LY75: variants seen among roughly 807,000 people sequenced by gnomAD.
The protein encoded by LY75 is lymphocyte antigen 75, also known as C-type lectin domain family 13 member B.
A neutral mutation model predicts 231.7 loss-of-function variants in LY75; 185 were observed. That is an observed-to-expected ratio of 0.80 (90% CI 0.71 to 0.90). The LOEUF is 0.90. LY75 is among the 40% of genes least tolerant of loss of function. LY75 has a pLI of 0.00. For missense variants in LY75, 1,947 were observed against 2,050.2 expected, an observed-to-expected ratio of 0.95 and a Z score of 0.97; for synonymous variants, 668 against 689.0, an observed-to-expected ratio of 0.97 and a Z score of 0.48.
In LY75 at chr2:159,885,245, T is replaced by A. The variant is rs372732886; in HGVS notation, c.962A>T (p.Asp321Val). The change falls in exon 6 of 35, where the codon GAT (aspartate) becomes GTT (valine). Residue 321 changes from aspartate to valine, a missense_variant. Physicochemically the swap from Asp to Val is radical, Grantham distance 152. Transcript: ENST00000263636. The stretch of plus-strand genomic sequence containing the variant: ...GCTCTGCCACAGACCAGACTCAGCA[T>A]CCATTCTTGCACAGCTGGAGCCACC... ...TIGGSSCARM[D>V]AESGLWQSFS... The A allele has an allele frequency of 1.9e-6, 3 of 1,613,726 alleles. 1 individual carries two copies. The highest frequency in any genetic ancestry group is 1.1e-5 in the South Asian group (1 of 91,080).
Position 159,864,846 on chromosome 2 carries a change from C to G in LY75, c.2192G>C (p.Arg731Pro). Reference protein sequence around the residue: ...DLQGSWQWSDRTPVSTIIMPN... With the variant: ...DLQGSWQWSDPTPVSTIIMPN... ...AATAACGTTTTAACTTACTGGTGTACGATCACTCCATTGCCAGGATCCTTG... is the reference window on the plus strand; with the variant it reads ...AATAACGTTTTAACTTACTGGTGTAGGATCACTCCATTGCCAGGATCCTTG... Residue 731 changes from arginine to proline, a missense_variant, in exon 14 of 35, where the codon CGT becomes CCT. Coordinates refer to ENST00000263636, the MANE Select transcript of LY75 (RefSeq NM_002349.4). 6.3e-7 allele frequency: 1 copy of G among 1,597,346 alleles called. No homozygotes were observed. Among genetic ancestry groups the G allele is most frequent in the Non-Finnish European group, 8.5e-7 (1 of 1,172,270 alleles).
intron 23 of LY75, among the ~76,000 whole-genome samples, chr2:159,847,103 C>G (rs537557937): frequency 6.6e-6 from 1 of 152,212 alleles, no homozygotes; most frequent in Admixed American, 6.5e-5. Context: ...CTTCCGCCTC[C>G]CAGGTTCAAG....
At chr2:159,832,616 T>TA (rs915930668) in intron 27 of LY75, among the ~76,000 whole-genome samples, 3 of 152,196 alleles carry the variant, frequency 2.0e-5, no homozygotes, top group Admixed American at 6.5e-5. Context: ...ACATGGATTT[T>TA]AAAAAAAGTT....
intron 34 of LY75, among the ~76,000 whole-genome samples, chr2:159,806,496 A>T (rs1487739449): frequency 6.6e-6 from 1 of 152,260 alleles, no homozygotes; most frequent in African/African-American, 2.4e-5. Flanking sequence ...GTATCAATTC[A>T]TAATGAAATG....
chr2:159,868,821 T>C (rs1192469604), intron 13 of LY75, among the ~76,000 whole-genome samples: 1 of 152,206 alleles, frequency 6.6e-6, no homozygotes, highest in African/African-American at 2.4e-5. Flanking sequence ...AAAAATACTT[T>C]ATCTGGATAA....
intron 4 of LY75, 125 bp from the exon 5 acceptor site, chr2:159,886,655 G>A: frequency 1.0e-6 from 1 of 953,682 alleles, no homozygotes; most frequent in South Asian, 2.1e-5. Context: ...TCCCTGTAGA[G>A]GGCTGTTTAT....
At chr2:159,844,687 T>G (rs7573748) in intron 23 of LY75, among the ~76,000 whole-genome samples, 37,677 of 151,186 alleles carry the variant, frequency 0.25, 5,882 homozygotes, top group African/African-American at 0.43. Flanking sequence ...GAGAAAGAGC[T>G]TTTAGTGAGA....
At chr2:159,865,849 G>A (rs1043674965) in intron 13 of LY75, among the ~76,000 whole-genome samples, 3 of 152,114 alleles carry the variant, frequency 2.0e-5, no homozygotes, top group Admixed American at 2.0e-4. Context: ...ATGGAGGCAG[G>A]AACATATGTC....
Position 159,842,315 on chromosome 2 carries a change from C to T in LY75, c.3210G>A (p.Pro1070=), listed in dbSNP as rs6721024. ...CALILNLQKS[P]FTGTWNFTSC... ...ATGTAAAATTCCACGTCCCAGTAAA[C>T]GGTGATTTTTGGAGGTTGAGTATTA... The change falls in exon 24 of 35, where the codon CCG becomes CCA. Residue 1070 remains proline (P), a synonymous_variant. Transcript: ENST00000263636. 0.011 allele frequency: 16,979 copies of T among 1,611,586 alleles called. 1,020 individuals are homozygous for T. The African/African-American group carries it at 0.15, about 15-fold the overall frequency.
chr2:159,896,614 G>A (rs1006960586), intron 2 of LY75, among the ~76,000 whole-genome samples: 7 of 152,244 alleles, frequency 4.6e-5, no homozygotes, highest in South Asian at 2.1e-4. Context: ...GTCTGAGAGC[G>A]GAGTCCTAGA....
chr2:159,853,448 T>C, intron 19 of LY75, 96 bp from the exon 20 acceptor site: 1 of 1,500,680 alleles, frequency 6.7e-7, no homozygotes, highest in Non-Finnish European at 9.1e-7. Context: ...AATTTAATGT[T>C]AATACCATTA....
chr2:159,860,388 G>T (rs1684668644), intron 15 of LY75, among the ~76,000 whole-genome samples: 1 of 152,110 alleles, frequency 6.6e-6, no homozygotes, highest in Non-Finnish European at 1.5e-5. Context: ...TCTGTATTCT[G>T]TTCTCCACTG....
intron 1 of LY75, among the ~76,000 whole-genome samples, chr2:159,899,834 G>A (rs7595388): frequency 0.36 from 54,990 of 152,130 alleles, 12,599 homozygotes; most frequent in Non-Finnish European, 0.51. Context: ...ACAGAGGTCT[G>A]GGTTCTGAGG....
intron 12 of LY75, among the ~76,000 whole-genome samples, chr2:159,872,977 A>G (rs771705751): frequency 7.9e-5 from 12 of 152,176 alleles, no homozygotes; most frequent in Non-Finnish European, 1.6e-4. Flanking sequence ...AACAATAGAA[A>G]TTTCGAATAT....
At chr2:159,878,531 T>C (rs1685339483) in intron 10 of LY75, 38 bp from the exon 11 acceptor site, 1 of 1,612,662 alleles carries the variant, frequency 6.2e-7, no homozygotes, top group Non-Finnish European at 8.5e-7. Flanking sequence ...TGTTTCACAA[T>C]GATTGACTCT....
Position 159,810,600 on chromosome 2 carries a change from T to C in LY75, c.4625A>G (p.Tyr1542Cys), listed in dbSNP as rs780709333. Reference sequence around the variant, plus strand: ...ATCAGACTTGTAACAGTGACCCTTGTACTGGATCCACCGTGACCCATTCTC... The same window carrying C: ...ATCAGACTTGTAACAGTGACCCTTGCACTGGATCCACCGTGACCCATTCTC... The part of the protein sequence containing the change: ...AKENGSRWIQ[Y>C]KGHCYKSDQA... Residue 1542 changes from tyrosine (Y) to cysteine (C), a missense_variant, in exon 32 of 35, where the codon TAC becomes TGC. By Grantham distance (194) the Tyr-to-Cys change is radical. Transcript: ENST00000263636. 6.2e-7 allele frequency: 1 copy of C among 1,614,198 alleles called. No homozygotes were observed. The highest frequency in any genetic ancestry group is 8.5e-7 in the Non-Finnish European group (1 of 1,180,024).
intron 18 of LY75, 78 bp downstream of exon 18, chr2:159,854,282 G>C: frequency 3.4e-6 from 4 of 1,167,022 alleles, no homozygotes; most frequent in Non-Finnish European, 4.3e-6. Flanking sequence ...GTAGATTTTG[G>C]CAAAATTTTT....
At chr2:159,899,306 C>A (rs1686002657) in intron 1 of LY75, among the ~76,000 whole-genome samples, 1 of 152,182 alleles carries the variant, frequency 6.6e-6, no homozygotes, top group African/African-American at 2.4e-5. Flanking sequence ...TACTTGTTAG[C>A]CATAGGATCA....
chr2:159,850,261 G>A (rs1048183247), intron 22 of LY75, 101 bp downstream of exon 22: 68 of 1,513,536 alleles, frequency 4.5e-5, no homozygotes, highest in Non-Finnish European at 5.5e-5. Flanking sequence ...CATAACAAAA[G>A]AAGTTTAATA....
Sources: gnomAD v4.1 joint callset for allele counts (sites outside exome capture counted in the v4.1 genomes callset) on GRCh38, gnomAD v4.1.1 for gene constraint, MANE v1.5 for transcripts, NCBI Gene and HGNC (gene_info 2026-07-23, HGNC 2026-07-21) for gene names.